The following GMDS variants were observed in gnomAD, a reference collection of about 807,000 sequenced individuals.
The protein encoded by GMDS is GDP-mannose 4,6 dehydratase.
A neutral mutation model predicts 49.9 loss-of-function variants in GMDS; 20 were observed. That is an observed-to-expected ratio of 0.40 (90% CI 0.28 to 0.58). GMDS has a LOEUF of 0.58. GMDS is among the 20% of genes least tolerant of loss of function. GMDS has a pLI of 0.42. For missense variants in GMDS, 362 were observed against 481.4 expected, an observed-to-expected ratio of 0.75 and a Z score of 2.32; for synonymous variants, 177 against 178.6, an observed-to-expected ratio of 0.99 and a Z score of 0.07.
chr6:1,927,743 C>T (rs1465729341), intron 7 of GMDS, among the ~76,000 whole-genome samples: 1 of 152,152 alleles, frequency 6.6e-6, no homozygotes, highest in Non-Finnish European at 1.5e-5. Flanking sequence ...CAGATCTACT[C>T]GTTGACACAA....
intron 1 of GMDS, among the ~76,000 whole-genome samples, chr6:2,172,047 T>C (rs2127555227): frequency 6.6e-6 from 1 of 152,138 alleles, no homozygotes; most frequent in South Asian, 2.1e-4. Flanking sequence ...AAAGACAGCA[T>C]GTGTAACAAA....
chr6:2,053,569 T>C (rs530432574), intron 4 of GMDS, among the ~76,000 whole-genome samples: 2 of 152,190 alleles, frequency 1.3e-5, no homozygotes, highest in South Asian at 2.1e-4. Flanking sequence ...CCTACACTTA[T>C]TAACTTTTTA....
chr6:1,870,474 C>T (rs550851960), intron 7 of GMDS, among the ~76,000 whole-genome samples: 11 of 152,234 alleles, frequency 7.2e-5, no homozygotes, highest in Middle Eastern at 3.4e-3. Flanking sequence ...CCTACACACC[C>T]GCACACCAAG....
intron 1 of GMDS, among the ~76,000 whole-genome samples, chr6:2,188,597 C>T (rs1230767714): frequency 6.6e-6 from 1 of 152,232 alleles, no homozygotes; most frequent in Non-Finnish European, 1.5e-5. Context: ...GTTATTGCTT[C>T]ATCGACAATG....
At chr6:2,136,432 T>C (rs1356239908) in intron 1 of GMDS, among the ~76,000 whole-genome samples, 1 of 152,238 alleles carries the variant, frequency 6.6e-6, no homozygotes, top group East Asian at 1.9e-4. Context: ...AAGAACTGAT[T>C]TGGGCCAGGC....
At chr6:1,885,198 A>G (rs1759544939) in intron 7 of GMDS, among the ~76,000 whole-genome samples, 1 of 152,230 alleles carries the variant, frequency 6.6e-6, no homozygotes, top group Non-Finnish European at 1.5e-5. Context: ...TCTGGAAAAG[A>G]GTAAAACTCT....
rs1581254128 is a variant in GMDS, at chr6:1,849,967, A to G, written c.771+80136T>C. On this transcript the variant is annotated intron_variant, in intron 7 of 10. Coordinates refer to ENST00000380815, the MANE Select transcript of GMDS (RefSeq NM_001500.4). Reference sequence around the variant, plus strand: ...TCAAAATAAGGAAGCTAGGTCTTAAAGAGCTTTTTACACCTGAAGACATTC... The same window carrying G: ...TCAAAATAAGGAAGCTAGGTCTTAAGGAGCTTTTTACACCTGAAGACATTC... Among the ~76,000 whole-genome samples the G allele has an allele frequency of 2.0e-5, 3 of 152,344 alleles. 1 individual carries two copies. The highest frequency in any genetic ancestry group is 2.0e-4 in the Admixed American group (3 of 15,294).
intron 7 of GMDS, among the ~76,000 whole-genome samples, chr6:1,904,351 A>T (rs781036768): frequency 6.6e-6 from 1 of 152,196 alleles, no homozygotes; most frequent in Non-Finnish European, 1.5e-5. Flanking sequence ...TCTCATTTGC[A>T]TTCGGGGGCT....
intron 7 of GMDS, among the ~76,000 whole-genome samples, chr6:1,891,948 C>T (rs1281596116): frequency 6.6e-6 from 1 of 152,188 alleles, no homozygotes; most frequent in East Asian, 1.9e-4. Flanking sequence ...CGACTGTAAA[C>T]ATTCAGTAGT....
rs547439419 is a variant in GMDS at position 1,657,533 on chromosome 6, G to A, written c.988-32993C>T. Among the ~76,000 whole-genome samples the A allele has an allele frequency of 2.0e-4, 31 of 152,292 alleles. No homozygotes were observed. The South Asian group carries it at 6.0e-3, about 30-fold the overall frequency. On this transcript the variant is annotated intron_variant, in intron 9 of 10. Transcript: ENST00000380815. ...TATTTTACAGCATTGACTAGCCTAGGAATGCTTTCAAGCAGGACACTGATA... is the reference window on the plus strand; with the variant it reads ...TATTTTACAGCATTGACTAGCCTAGAAATGCTTTCAAGCAGGACACTGATA...
intron 4 of GMDS, among the ~76,000 whole-genome samples, chr6:1,991,037 C>T (rs1247979766): frequency 1.3e-5 from 2 of 152,048 alleles, no homozygotes; most frequent in African/African-American, 4.8e-5. Context: ...AATTAGCTCC[C>T]TTTTGGGTTC....
chr6:1,747,892 C>T (rs1767574341), intron 7 of GMDS, among the ~76,000 whole-genome samples: 1 of 152,024 alleles, frequency 6.6e-6, no homozygotes, highest in African/African-American at 2.4e-5. Context: ...CACACGGATT[C>T]CTTAGATTAA....
chr6:1,739,229 C>A (rs1767163635), intron 8 of GMDS, among the ~76,000 whole-genome samples: 2 of 152,204 alleles, frequency 1.3e-5, no homozygotes, highest in Non-Finnish European at 2.9e-5. Context: ...TCATTTCAGA[C>A]CCTGGCTCTG....
intron 1 of GMDS, among the ~76,000 whole-genome samples, chr6:2,132,538 C>G (rs1775793869): frequency 6.6e-6 from 1 of 152,156 alleles, no homozygotes; most frequent in Admixed American, 6.5e-5. Context: ...GTAACCTGTA[C>G]AGCTAATCAA....
chr6:1,716,567 G>T lies in GMDS; in HGVS notation c.987+9849C>A, dbSNP rs575766603. Reference sequence around the variant, plus strand: ...GCACAGACAGGCTTGGAGGTGAGGCGGTGAAGAGGGGTGGCCTGCTGGCTG... The same window carrying T: ...GCACAGACAGGCTTGGAGGTGAGGCTGTGAAGAGGGGTGGCCTGCTGGCTG... On this transcript the variant is annotated intron_variant, in intron 9 of 10. Coordinates refer to ENST00000380815, the MANE Select transcript of GMDS (RefSeq NM_001500.4). Among the ~76,000 whole-genome samples, 5 of 152,304 alleles carry T rather than the reference G, an allele frequency of 3.3e-5. No homozygotes were observed. In the South Asian group the frequency reaches 1.0e-3, roughly 32 times the overall value.
intron 4 of GMDS, among the ~76,000 whole-genome samples, chr6:2,064,414 T>C (rs676015): frequency 0.63 from 95,933 of 152,002 alleles, 30,412 homozygotes; most frequent in East Asian, 0.72. Flanking sequence ...AGAGAAAAAG[T>C]ATATTCTGAC....
At chr6:1,947,300 T>C (rs989528899) in intron 6 of GMDS, among the ~76,000 whole-genome samples, 6 of 152,222 alleles carry the variant, frequency 3.9e-5, no homozygotes, top group Non-Finnish European at 7.3e-5. Flanking sequence ...AAAAAACATT[T>C]ATCAGTGTTC....
chr6:2,125,357 G>A (rs1390838038), intron 1 of GMDS, among the ~76,000 whole-genome samples: 2 of 152,252 alleles, frequency 1.3e-5, no homozygotes, highest in Non-Finnish European at 1.5e-5. Flanking sequence ...TCAAACTCCT[G>A]GACACAAGTG....
rs559813417 is a variant in GMDS at position 1,721,000 on chromosome 6, C to T, written c.987+5416G>A. Among the ~76,000 whole-genome samples the T allele has an allele frequency of 1.2e-4, 18 of 152,160 alleles. No homozygotes were observed. In the East Asian group the frequency reaches 3.5e-3, roughly 29 times the overall value. ...GAGTGTGTTGAGGGCTTTTCACCCC[C>T]AAACGCAGAGACAGAGCTGAGGGAA... is the stretch of plus-strand genomic sequence containing the variant. On this transcript the variant is annotated intron_variant, in intron 9 of 10. Transcript: ENST00000380815.
Sources: allele counts gnomAD v4.1 joint callset (sites outside exome capture counted in the v4.1 genomes callset), GRCh38; gene constraint gnomAD v4.1.1; transcripts MANE v1.5; gene names NCBI Gene and HGNC (gene_info 2026-07-23, HGNC 2026-07-21).